SNRNP48: variants seen among roughly 807,000 people sequenced by gnomAD.
SNRNP48 encodes U11/U12 small nuclear ribonucleoprotein 48 kDa protein.
In SNRNP48, 43 loss-of-function variants were observed where a neutral mutation model predicts 47.0. The observed-to-expected ratio is 0.92, with a 90% CI of 0.72 to 1.18. The LOEUF (loss-of-function observed/expected upper bound fraction) is 1.18. Ranked by LOEUF, SNRNP48 falls within the 50% of genes most tolerant of loss-of-function variation. SNRNP48 has a pLI of 0.00. For synonymous variants in SNRNP48, 138 were observed against 144.0 expected, an observed-to-expected ratio of 0.96 and a Z score of 0.30; for missense variants, 396 against 422.2, an observed-to-expected ratio of 0.94 and a Z score of 0.54.
At position 7,590,391 on chromosome 6, in the gene SNRNP48, C is replaced by T. The variant is rs2757594; in HGVS notation, c.134C>T (p.Pro45Leu). ...SLGWDLDSLD[P>L]GEEEAAEDEV... ...GGCTGGGACCTAGATAGTCTGGATCCCGGGGAAGAGGAGGCGGCGGAGGTG... is the reference window on the plus strand; with the variant it reads ...GGCTGGGACCTAGATAGTCTGGATCTCGGGGAAGAGGAGGCGGCGGAGGTG... The change falls in exon 1 of 9, where the codon CCC (proline) becomes CTC (leucine). Residue 45 changes from proline (P) to leucine (L), a missense_variant. By Grantham distance (98) the Pro-to-Leu change is moderately conservative. Coordinates refer to ENST00000342415, the MANE Select transcript of SNRNP48 (RefSeq NM_152551.4). 0.33 allele frequency: 444,767 copies of T among 1,332,332 alleles called. 77,457 individuals are homozygous for T. Among genetic ancestry groups the T allele is most frequent in the Middle Eastern group, 0.4 (1,991 of 5,024 alleles). The allele number at this position is 1,332,332 out of a possible 1,614,324, so 82.5% of individuals were successfully genotyped here.
At chr6:7,602,088 A>G (rs1760034757) in intron 5 of SNRNP48, among the ~76,000 whole-genome samples, 1 of 152,144 alleles carries the variant, frequency 6.6e-6, no homozygotes, top group African/African-American at 2.4e-5. Flanking sequence ...TCCTGGCCTC[A>G]AGTGATCCTC....
intron 1 of SNRNP48, among the ~76,000 whole-genome samples, chr6:7,592,235 G>C (rs1011453120): frequency 8.5e-5 from 13 of 152,168 alleles, no homozygotes; most frequent in African/African-American, 3.1e-4. Flanking sequence ...GAAGTTCAGA[G>C]ACAGGGAGTG....
At chr6:7,601,109 A>G in intron 4 of SNRNP48, 1 of 392,206 alleles carries the variant, frequency 2.5e-6, no homozygotes, top group Non-Finnish European at 4.4e-6. Flanking sequence ...TGTTGGAGAG[A>G]ATAGCAAACA....
chr6:7,602,107 G>A (rs1398804610), intron 5 of SNRNP48, among the ~76,000 whole-genome samples: 3 of 152,128 alleles, frequency 2.0e-5, no homozygotes, highest in African/African-American at 7.2e-5. Flanking sequence ...TCCTGTCTTG[G>A]CCTCCCAAAG....
rs545581592 is a variant in SNRNP48, at chr6:7,591,843, T to C, written c.156+1430T>C. Among the ~76,000 whole-genome samples the C allele has an allele frequency of 8.9e-4, 135 of 152,298 alleles. 1 individual carries two copies. Among genetic ancestry groups the C allele is most frequent in the African/African-American group, 2.9e-3 (121 of 41,568 alleles). On this transcript the variant is annotated intron_variant, in intron 1 of 8. Coordinates refer to ENST00000342415, the MANE Select transcript of SNRNP48 (RefSeq NM_152551.4). ...AAATGGCAGTTAGGATTTCCGCCGG[T>C]GTTTTAGTACTGAAATTTAGTGAAC...
chr6:7,602,815 C>G, intron 6 of SNRNP48, 71 bp downstream of exon 6: 1 of 1,418,900 alleles, frequency 7.0e-7, no homozygotes, highest in Non-Finnish European at 9.4e-7. Flanking sequence ...CTATGAATTT[C>G]CACAATTCTT....
rs1007664525 is a variant in SNRNP48 at position 7,610,782 on chromosome 6, G to A, written c.*1909G>A. ...GAAATGTGGCATCGGGTGAAAAGAG[G>A]CATTTGTTTGATCCTTGAACGAATT... On this transcript the variant is annotated 3_prime_UTR_variant, in exon 9 of 9. Coordinates refer to ENST00000342415, the MANE Select transcript of SNRNP48 (RefSeq NM_152551.4). 3 of 152,178 alleles carry A rather than the reference G, an allele frequency of 2.0e-5. No individual in the cohort carries two copies. Among genetic ancestry groups the A allele is most frequent in the Non-Finnish European group, 4.4e-5 (3 of 68,028 alleles). 9.4% of individuals were successfully genotyped at this position (152,178 alleles called of 1,614,324 possible).
chr6:7,595,175 C>A, intron 4 of SNRNP48, 74 bp downstream of exon 4: 2 of 1,317,032 alleles, frequency 1.5e-6, no homozygotes, highest in Non-Finnish European at 2.1e-6. Flanking sequence ...TACTAATTTT[C>A]TTCAAGAAAA....
intron 4 of SNRNP48, among the ~76,000 whole-genome samples, chr6:7,597,043 AT>A (rs1169740875): frequency 6.6e-6 from 1 of 152,160 alleles, no homozygotes; most frequent in Non-Finnish European, 1.5e-5. Context: ...CCGTATTTTT[AT>A]TTTTTAAAAG....
intron 4 of SNRNP48, among the ~76,000 whole-genome samples, chr6:7,599,313 T>C (rs1029731897): frequency 4.6e-5 from 7 of 152,138 alleles, no homozygotes; most frequent in Admixed American, 1.3e-4. Context: ...GATTAGAGTT[T>C]CAATTTGGGG....
At chr6:7,590,457 G>A (rs1237883367) in intron 1 of SNRNP48, 44 bp downstream of exon 1, 4 of 1,267,968 alleles carry the variant, frequency 3.2e-6, no homozygotes, top group Non-Finnish European at 4.0e-6. Flanking sequence ...CTATCGGCCC[G>A]GGGTCTTCTC....
In SNRNP48 at chr6:7,611,446, A is replaced by G. The variant is rs1561718052; in HGVS notation, c.*2573A>G. Reference sequence around the variant, plus strand: ...CTCGGCCTCCTAAAGTGCTGGGATTACAAGTGTGAGCCACTGTGCCTAGTC... The same window carrying G: ...CTCGGCCTCCTAAAGTGCTGGGATTGCAAGTGTGAGCCACTGTGCCTAGTC... On this transcript the variant is annotated 3_prime_UTR_variant, in exon 9 of 9. Coordinates refer to ENST00000342415, the MANE Select transcript of SNRNP48 (RefSeq NM_152551.4). 1 of 152,232 alleles carries G rather than the reference A, an allele frequency of 6.6e-6. No homozygotes were observed. Among genetic ancestry groups the G allele is most frequent in the Non-Finnish European group, 1.5e-5 (1 of 68,060 alleles). 9.4% of individuals were successfully genotyped at this position (152,232 alleles called of 1,614,324 possible). A position where few individuals can be genotyped will look rare whatever the true frequency, so the allele number is the denominator to read the frequency against.
chr6:7,602,478 A>G (rs189189632), intron 5 of SNRNP48, 145 bp from the exon 6 acceptor site: 4 of 596,034 alleles, frequency 6.7e-6, no homozygotes, highest in African/African-American at 3.8e-5. Flanking sequence ...TAGCCCGTGT[A>G]TATAAATAAT....
rs1211603086 is a variant in SNRNP48 at position 7,609,827 on chromosome 6, C to T, written c.*954C>T. On this transcript the variant is annotated 3_prime_UTR_variant, in exon 9 of 9. Transcript: ENST00000342415. Reference sequence around the variant, plus strand: ...ACGTGTGTATTTTATTGGGTTTTGACAGATTCATACCTCTGTGCAGCCACT... The same window carrying T: ...ACGTGTGTATTTTATTGGGTTTTGATAGATTCATACCTCTGTGCAGCCACT... The T allele has an allele frequency of 1.3e-5, 2 of 152,000 alleles. No homozygotes were observed. Among genetic ancestry groups the T allele is most frequent in the Non-Finnish European group, 2.9e-5 (2 of 68,016 alleles). The allele number at this position is 152,000 out of a possible 1,614,324, so 9.4% of individuals were successfully genotyped here. A position where few individuals can be genotyped will look rare whatever the true frequency, so the allele number is the denominator to read the frequency against.
At chr6:7,606,303 A>T in intron 8 of SNRNP48, 108 bp downstream of exon 8, 1 of 1,142,764 alleles carries the variant, frequency 8.8e-7, no homozygotes, top group South Asian at 1.8e-5. Flanking sequence ...AGAATAAGCT[A>T]AAGTAAGGAG....
intron 6 of SNRNP48, among the ~76,000 whole-genome samples, chr6:7,603,151 A>G (rs1347008708): frequency 6.6e-6 from 1 of 152,168 alleles, no homozygotes; most frequent in Admixed American, 6.5e-5. Flanking sequence ...CAGGGTTGTT[A>G]TGAGAATTGA....
rs544840106 is a variant in SNRNP48 at position 7,591,123 on chromosome 6, G to A, written c.156+710G>A. 3.7e-4 allele frequency among the ~76,000 whole-genome samples: 56 copies of A among 152,296 alleles called. 1 individual carries two copies. Among genetic ancestry groups the A allele is most frequent in the African/African-American group, 1.3e-3 (52 of 41,568 alleles). On this transcript the variant is annotated intron_variant, in intron 1 of 8. Transcript: ENST00000342415. ...CATTGTCATCTGTCATACGGATTCC[G>A]CAGTTGCACCAGATTCGGTGTCAGG...
intron 1 of SNRNP48, among the ~76,000 whole-genome samples, chr6:7,591,345 TGG>T (rs1759814814): frequency 6.6e-6 from 1 of 152,164 alleles, no homozygotes; most frequent in South Asian, 2.1e-4. Flanking sequence ...TGTTTTTTTG[TGG>T]GGTATTTTCG....
In SNRNP48 at chr6:7,607,418, T is replaced by C. The variant is rs1202961345; in HGVS notation, c.971+1223T>C. On this transcript the variant is annotated intron_variant, in intron 8 of 8. Coordinates refer to ENST00000342415, the MANE Select transcript of SNRNP48 (RefSeq NM_152551.4). ...CTACCTACTTCTTGTATTTTGCTAC[T>C]ACGCCATGAAATGCATAACTTGTCC... 2.6e-5 allele frequency among the ~76,000 whole-genome samples: 4 copies of C among 152,264 alleles called. No homozygotes were observed. The East Asian group carries it at 7.7e-4, about 29-fold the overall frequency.
Sources: gnomAD v4.1 joint callset for allele counts (sites outside exome capture counted in the v4.1 genomes callset) on GRCh38, gnomAD v4.1.1 for gene constraint, MANE v1.5 for transcripts, NCBI Gene and HGNC (gene_info 2026-07-23, HGNC 2026-07-21) for gene names.